TLK1: variants seen among roughly 807,000 people sequenced by gnomAD.
TLK1 encodes serine/threonine-protein kinase tousled-like 1.
In TLK1, 24 loss-of-function variants were observed where a neutral mutation model predicts 105.3. The observed-to-expected ratio is 0.23, with a 90% confidence interval of 0.17 to 0.32. The LOEUF (loss-of-function observed/expected upper bound fraction) is 0.32. TLK1 is among the 10% of genes least tolerant of loss of function. The probability of loss-of-function intolerance (pLI) is 1.00; values close to 1 mark genes in which losing one functional copy is unlikely to be tolerated. For missense variants in TLK1, 558 were observed against 910.5 expected, an observed-to-expected ratio of 0.61 and a Z score of 4.98; for synonymous variants, 321 against 310.4, an observed-to-expected ratio of 1.03 and a Z score of -0.36.
chr2:171,074,299 CATT>C (rs1465613375), intron 3 of TLK1, among the ~76,000 whole-genome samples: 1 of 152,198 alleles, frequency 6.6e-6, no homozygotes, highest in Non-Finnish European at 1.5e-5. Context: ...TATACAGCAA[CATT>C]GTTGCATATC....
rs1575563197 is a variant in TLK1, at chr2:171,060,955, T to C, written c.406+126A>G. The C allele has an allele frequency of 1.3e-5, 11 of 835,954 alleles. No homozygotes were observed. The East Asian group carries it at 2.7e-4, about 21-fold the overall frequency. 51.8% of individuals were successfully genotyped at this position (835,954 alleles called of 1,614,324 possible). ...CTAAAAGCAATCATTATACACTAAC[T>C]ACCTGTGCACACACCAAAATTTACA... On this transcript the variant is annotated intron_variant, in intron 4 of 20. Transcript: ENST00000431350.
At chr2:171,064,502 T>C (rs1480123635) in intron 3 of TLK1, among the ~76,000 whole-genome samples, 3 of 152,182 alleles carry the variant, frequency 2.0e-5, no homozygotes, top group Non-Finnish European at 4.4e-5. Context: ...ATATTAAACA[T>C]TTTATATAGA....
In TLK1 at chr2:171,023,995, T is replaced by C. The variant is rs182658152; in HGVS notation, c.1236+4344A>G. ...GTTTCCTTGAACCCACGATTCCACA[T>C]GGGCACAGGTAGATAAAATAGGATC... On this transcript the variant is annotated intron_variant, in intron 12 of 20. Coordinates refer to ENST00000431350, the MANE Select transcript of TLK1 (RefSeq NM_012290.5). Among the ~76,000 whole-genome samples the C allele has an allele frequency of 1.4e-4, 21 of 152,328 alleles. No homozygotes were observed. In the East Asian group the frequency reaches 4.1e-3, roughly 29 times the overall value.
At chr2:171,110,005 G>C (rs542809252) in intron 2 of TLK1, among the ~76,000 whole-genome samples, 1 of 152,188 alleles carries the variant, frequency 6.6e-6, no homozygotes, top group African/African-American at 2.4e-5. Flanking sequence ...GACTGGAAAG[G>C]GGCAGAAGAA....
intron 18 of TLK1, among the ~76,000 whole-genome samples, chr2:171,003,951 T>C (rs1195043682): frequency 6.6e-6 from 1 of 152,160 alleles, no homozygotes; most frequent in Non-Finnish European, 1.5e-5. Context: ...TTTTTCTTAA[T>C]TTTTTCAGTA....
chr2:171,217,509 C>T (rs781234129), intron 1 of TLK1, among the ~76,000 whole-genome samples: 10 of 152,018 alleles, frequency 6.6e-5, no homozygotes, highest in Non-Finnish European at 1.2e-4. Context: ...CTGGTGGAGG[C>T]GCTAATGAAT....
intron 11 of TLK1, among the ~76,000 whole-genome samples, chr2:171,029,107 G>GT (rs1419095373): frequency 1.3e-5 from 2 of 152,182 alleles, no homozygotes; most frequent in Admixed American, 6.5e-5. Flanking sequence ...CAAAAGGGTT[G>GT]TGAGTAGTAG....
rs545767413 is a variant in TLK1 at position 171,036,684 on chromosome 2, G to A, written c.1170-8279C>T. 1.3e-3 allele frequency among the ~76,000 whole-genome samples: 195 copies of A among 152,266 alleles called. 2 individuals carry two copies. The highest frequency in any genetic ancestry group is 1.9e-3 in the Non-Finnish European group (126 of 68,016). ...TGTGGGAGGAGGTAACTTGCTTCTC[G>A]AGTTTCAGTTTCACAGATGAAGAAA... On this transcript the variant is annotated intron_variant, in intron 11 of 20. Transcript: ENST00000431350.
intron 11 of TLK1, among the ~76,000 whole-genome samples, chr2:171,044,341 T>C (rs962470903): frequency 2.0e-5 from 3 of 152,204 alleles, no homozygotes; most frequent in Non-Finnish European, 4.4e-5. Flanking sequence ...TGTGAGAGGA[T>C]GGTAGTGCCA....
chr2:171,042,452 TGCCCAG>T (rs1686726747), intron 11 of TLK1, among the ~76,000 whole-genome samples: 1 of 152,090 alleles, frequency 6.6e-6, no homozygotes, highest in African/African-American at 2.4e-5. Flanking sequence ...CTTGCTCTGT[TGCCCAG>T]GCTAGTTTCA....
chr2:171,061,043 T>C, intron 4 of TLK1, 38 bp downstream of exon 4: 1 of 1,552,344 alleles, frequency 6.4e-7, no homozygotes, highest in Non-Finnish European at 8.8e-7. Context: ...TAATTTTAAG[T>C]GTCCACTAGG....
intron 1 of TLK1, among the ~76,000 whole-genome samples, chr2:171,222,791 AATT>A (rs1233022531): frequency 6.6e-6 from 1 of 150,996 alleles, no homozygotes; most frequent in Non-Finnish European, 1.5e-5. Context: ...ATACAATATA[AATT>A]ATTAACTATA....
intron 11 of TLK1, among the ~76,000 whole-genome samples, chr2:171,030,894 C>G (rs559397560): frequency 6.6e-6 from 1 of 152,008 alleles, no homozygotes; most frequent in Non-Finnish European, 1.5e-5. Flanking sequence ...TCATGTATAA[C>G]TGCAAAGCTC....
intron 1 of TLK1, among the ~76,000 whole-genome samples, chr2:171,123,224 T>C (rs1174378885): frequency 2.0e-5 from 3 of 151,998 alleles, no homozygotes; most frequent in African/African-American, 7.2e-5. Context: ...TGAGACGGAG[T>C]CTTGCTCTGT....
At chr2:171,174,701 A>G (rs1015446361) in intron 1 of TLK1, among the ~76,000 whole-genome samples, 2 of 152,184 alleles carry the variant, frequency 1.3e-5, no homozygotes, top group African/African-American at 4.8e-5. Flanking sequence ...CCTGCTGCAA[A>G]GTAGGAATTC....
intron 1 of TLK1, among the ~76,000 whole-genome samples, chr2:171,191,621 A>G (rs1174204161): frequency 1.3e-5 from 2 of 152,144 alleles, no homozygotes; most frequent in Non-Finnish European, 2.9e-5. Context: ...ATCTCACATC[A>G]GCCAGGAGAG....
chr2:171,160,622 A>C lies in TLK1; in HGVS notation c.-194T>G. On this transcript the variant is annotated 5_prime_UTR_variant, in exon 1 of 21. Transcript: ENST00000431350. The surrounding 1 kb of genome is among the most constrained non-coding windows in gnomAD (Gnocchi z 4.4). The stretch of plus-strand genomic sequence containing the variant: ...GGGAGGAAAGAGGTGAGGGAAGGAG[A>C]GGGGACAGGGAGGAGGGAAAGGGGG... The C allele has an allele frequency of 1.3e-6, 1 of 741,744 alleles. No homozygotes were observed. The highest frequency in any genetic ancestry group is 2.0e-6 in the Non-Finnish European group (1 of 498,028). 45.9% of individuals were successfully genotyped at this position (741,744 alleles called of 1,614,324 possible). A position where few individuals can be genotyped will look rare whatever the true frequency, so the allele number is the denominator to read the frequency against.
intron 1 of TLK1, among the ~76,000 whole-genome samples, chr2:171,191,280 C>T (rs1369415581): frequency 2.6e-5 from 4 of 152,022 alleles, no homozygotes; most frequent in Non-Finnish European, 5.9e-5. Context: ...TACTAAGAAG[C>T]AATCTTAGCC....
intron 12 of TLK1, among the ~76,000 whole-genome samples, chr2:171,025,908 T>C (rs955852682): frequency 6.6e-6 from 1 of 152,220 alleles, no homozygotes; most frequent in Admixed American, 6.5e-5. Flanking sequence ...GTTCCCTGTA[T>C]GTACTACTGG....
Sources: allele counts gnomAD v4.1 joint callset (sites outside exome capture counted in the v4.1 genomes callset), GRCh38; gene constraint gnomAD v4.1.1; non-coding constraint Gnocchi (gnomAD v3.1); transcripts MANE v1.5; gene names NCBI Gene and HGNC (gene_info 2026-07-23, HGNC 2026-07-21).